GPHN: variants seen among roughly 807,000 people sequenced by gnomAD.
The protein encoded by GPHN is gephyrin.
GPHN carries 17 observed loss-of-function variants against 95.5 expected under a neutral mutation model. The observed-to-expected ratio is 0.18, with a 90% CI of 0.12 to 0.27. The LOEUF (loss-of-function observed/expected upper bound fraction) is 0.27, where lower values mean the gene tolerates loss of function less well. Ranked by LOEUF, GPHN falls within the 10% of genes least tolerant of loss-of-function variation. The pLI is 1.00. For missense variants in GPHN, 660 were observed against 978.1 expected, an observed-to-expected ratio of 0.67 and a Z score of 4.34; for synonymous variants, 320 against 322.5, an observed-to-expected ratio of 0.99 and a Z score of 0.08.
intron 8 of GPHN, among the ~76,000 whole-genome samples, chr14:66,949,130 G>T (rs1290692244): frequency 6.6e-6 from 1 of 151,884 alleles, no homozygotes; most frequent in East Asian, 1.9e-4. Flanking sequence ...CTCTGGCTCA[G>T]GCTGGAGTGC....
At chr14:66,776,665 A>G (rs1323641749) in intron 3 of GPHN, 144 bp downstream of exon 3, 6 of 685,008 alleles carry the variant, frequency 8.8e-6, no homozygotes, top group Non-Finnish European at 1.6e-5. Flanking sequence ...TTAAAAATTT[A>G]TATGTATCAG....
At chr14:67,225,962 T>TGTGTGTGTGCGC in the GPHN span, among the ~76,000 whole-genome samples, 189 of 113,496 alleles carry the variant, frequency 1.7e-3, no homozygotes, top group Middle Eastern at 0.013. Flanking sequence ...TGTGTGTGTG[T>TGTGTGTGTGCGC]GCGCGCGCGC....
chr14:66,742,574 G>A (rs999982647), intron 2 of GPHN, among the ~76,000 whole-genome samples: 2 of 152,124 alleles, frequency 1.3e-5, no homozygotes, highest in Non-Finnish European at 2.9e-5. Context: ...AACGGTGACA[G>A]TTTTTAGCAG....
chr14:67,328,775 A>T, the GPHN span, among the ~76,000 whole-genome samples: 328 of 152,296 alleles, frequency 2.2e-3, 3 homozygotes, highest in Middle Eastern at 0.02. Context: ...TTTGTCAAAG[A>T]TCAGATGGTT....
intron 1 of GPHN, among the ~76,000 whole-genome samples, chr14:66,638,479 A>G (rs1418641710): frequency 1.3e-5 from 2 of 152,106 alleles, no homozygotes; most frequent in African/African-American, 2.4e-5. Flanking sequence ...CAAACAAACA[A>G]TGAAATAAAA....
intron 2 of GPHN, among the ~76,000 whole-genome samples, chr14:66,752,025 T>A (rs117145299): frequency 0.012 from 1,828 of 152,258 alleles, 19 homozygotes; most frequent in Non-Finnish European, 0.018. Flanking sequence ...ACCTCGTATG[T>A]TTTTGTTACA....
the GPHN span, among the ~76,000 whole-genome samples, chr14:67,445,383 G>C: frequency 6.6e-6 from 1 of 151,966 alleles, no homozygotes; most frequent in African/African-American, 2.4e-5. Flanking sequence ...CAGGTAGATA[G>C]TGTCAGAATG....
intron 9 of GPHN, chr14:66,969,375 A>T (rs886065205): frequency 2.0e-5 from 3 of 152,258 alleles, no homozygotes; most frequent in Non-Finnish European, 4.4e-5. Context: ...TAAAATAATG[A>T]TAGTCTTCTA....
At chr14:67,120,707 T>C (rs990193988) in intron 16 of GPHN, among the ~76,000 whole-genome samples, 5 of 152,236 alleles carry the variant, frequency 3.3e-5, no homozygotes. Context: ...TTGCCCCTTA[T>C]AAAATTATAA....
At chr14:67,356,247 C>T in the GPHN span, among the ~76,000 whole-genome samples, 1 of 151,942 alleles carries the variant, frequency 6.6e-6, no homozygotes, top group Admixed American at 6.5e-5. Context: ...TAGTGAAACC[C>T]CATCTCTACC....
the GPHN span, among the ~76,000 whole-genome samples, chr14:67,439,534 T>TTTCA: frequency 7.4e-5 from 1 of 13,426 alleles, no homozygotes; most frequent in African/African-American, 2.0e-4. Flanking sequence ...AATTCAATAG[T>TTTCA]TTCTTTCTTT....
At chr14:66,598,180 G>T (rs2062064461) in intron 1 of GPHN, among the ~76,000 whole-genome samples, 1 of 152,088 alleles carries the variant, frequency 6.6e-6, no homozygotes, top group Non-Finnish European at 1.5e-5. Flanking sequence ...TATTTAAAGT[G>T]GAGGAATAAA....
chr14:66,624,480 G>A (rs908015664), intron 1 of GPHN, among the ~76,000 whole-genome samples: 1 of 152,166 alleles, frequency 6.6e-6, no homozygotes, highest in Non-Finnish European at 1.5e-5. Context: ...GTTGGGTCTG[G>A]TTCTCTGATA....
At chr14:66,690,635 T>C (rs1422391229) in intron 2 of GPHN, among the ~76,000 whole-genome samples, 1 of 152,242 alleles carries the variant, frequency 6.6e-6, no homozygotes, top group Non-Finnish European at 1.5e-5. Flanking sequence ...TATCAGAATT[T>C]ATTCCTTCCT....
In GPHN at chr14:67,089,037, C is replaced by A. The variant is rs1379719209; in HGVS notation, c.1199C>A (p.Pro400His). 4.4e-6 allele frequency: 7 copies of A among 1,604,434 alleles called. No homozygotes were observed. Among genetic ancestry groups the A allele is most frequent in the Non-Finnish European group, 6.0e-6 (7 of 1,171,400 alleles). ...QDVYAKDNLP[P>H]FPASVKDGYA... ...GTATATGCAAAAGACAATTTACCCCCCTTCCCAGCATCAGTAAAAGATGGC... is the reference window on the plus strand; with the variant it reads ...GTATATGCAAAAGACAATTTACCCCACTTCCCAGCATCAGTAAAAGATGGC... Residue 400 changes from proline (P) to histidine (H), a missense_variant, in exon 12 of 23, where the codon CCC (proline) becomes CAC (histidine). Coordinates refer to ENST00000478722, the MANE Select transcript of GPHN (RefSeq NM_020806.5).
chr14:67,618,791 T>C, the GPHN span, among the ~76,000 whole-genome samples: 2 of 152,142 alleles, frequency 1.3e-5, no homozygotes, highest in Non-Finnish European at 2.9e-5. Flanking sequence ...AAAGACATCA[T>C]TGTTAAACCA....
intron 5 of GPHN, among the ~76,000 whole-genome samples, chr14:66,905,567 G>T (rs886732243): frequency 1.3e-5 from 2 of 151,950 alleles, no homozygotes; most frequent in African/African-American, 2.4e-5. Context: ...GCTTTTTTGT[G>T]TTTGTTTTTT....
intron 10 of GPHN, among the ~76,000 whole-genome samples, chr14:67,054,621 C>A (rs1246166931): frequency 6.6e-6 from 1 of 151,820 alleles, no homozygotes; most frequent in Non-Finnish European, 1.5e-5. Flanking sequence ...CATATGGAAC[C>A]AAAAAAGAGC....
the GPHN span, among the ~76,000 whole-genome samples, chr14:67,590,422 A>C: frequency 3.3e-5 from 5 of 151,932 alleles, no homozygotes; most frequent in African/African-American, 1.2e-4. Context: ...CCAGTGGCAC[A>C]ATCTCGGCTC....
Sources: gnomAD v4.1 joint callset for allele counts (sites outside exome capture counted in the v4.1 genomes callset) on GRCh38, gnomAD v4.1.1 for gene constraint, MANE v1.5 for transcripts, NCBI Gene and HGNC (gene_info 2026-07-23, HGNC 2026-07-21) for gene names.